Variants in SNAP25 observed in about 807,000 individuals in gnomAD.
SNAP25 encodes synaptosomal-associated protein 25.
In SNAP25, 3 loss-of-function variants were observed where a neutral mutation model predicts 28.7. That is an observed-to-expected ratio of 0.10 (90% CI 0.05 to 0.27). SNAP25 has a LOEUF of 0.27. Among genes scored for constraint, SNAP25 ranks in the 10% least tolerant of loss-of-function variants. The pLI, the probability that SNAP25 is intolerant of heterozygous loss-of-function variation, is 1.00. For synonymous variants in SNAP25, 61 were observed against 88.1 expected, an observed-to-expected ratio of 0.69 and a Z score of 1.72; for missense variants, 117 against 278.7, an observed-to-expected ratio of 0.42 and a Z score of 4.13.
chr20:10,268,629 C>T (rs140451113), intron 1 of SNAP25, among the ~76,000 whole-genome samples: 6 of 152,248 alleles, frequency 3.9e-5, no homozygotes, highest in African/African-American at 1.4e-4. Context: ...TATTTCAGTT[C>T]AGAGTCTTCA....
rs537930615 is a variant in SNAP25 at position 10,262,254 on chromosome 20, G to C, written c.-63-13175G>C. On this transcript the variant is annotated intron_variant, in intron 1 of 7. Transcript: ENST00000254976. ...AAAAACATTCTCAACTAGCATAGACGAGTCCCTTCCTCTCCACTATTTTGA... is the reference window on the plus strand; with the variant it reads ...AAAAACATTCTCAACTAGCATAGACCAGTCCCTTCCTCTCCACTATTTTGA... Among the ~76,000 whole-genome samples the C allele has an allele frequency of 3.9e-5, 6 of 152,252 alleles. No homozygotes were observed. The South Asian group carries it at 1.2e-3, about 32-fold the overall frequency.
intron 4 of SNAP25, among the ~76,000 whole-genome samples, chr20:10,291,079 A>G (rs745455577): frequency 5.3e-5 from 8 of 152,002 alleles, no homozygotes; most frequent in Non-Finnish European, 1.0e-4. Flanking sequence ...TTTAATTGTA[A>G]TTTTTATTTT....
At chr20:10,301,529 T>C (rs910684456) in intron 7 of SNAP25, among the ~76,000 whole-genome samples, 1 of 152,284 alleles carries the variant, frequency 6.6e-6, no homozygotes, top group East Asian at 1.9e-4. Flanking sequence ...CACCTTCTCA[T>C]TGAAGTTCTC....
At chr20:10,298,559 C>T (rs1382039397) in intron 6 of SNAP25, among the ~76,000 whole-genome samples, 1 of 152,194 alleles carries the variant, frequency 6.6e-6, no homozygotes, top group Non-Finnish European at 1.5e-5. Flanking sequence ...TTCCACTCAA[C>T]CTGAAACAAT....
In SNAP25 at chr20:10,275,514, G is replaced by T. The variant is rs374115269; in HGVS notation, c.23G>T (p.Arg8Leu). The change falls in exon 2 of 8, where the codon CGC becomes CTC. Residue 8 changes from arginine to leucine, a missense_variant. Arg to Leu is a moderately radical substitution (Grantham distance 102). Transcript: ENST00000254976. The stretch of plus-strand genomic sequence containing the variant: ...ACCATGGCCGAAGACGCAGACATGC[G>T]CAATGAGCTGGAGGAGATGCAGCGA... MAEDADMRNELEEMQRRA... is the reference protein window; with the variant it reads MAEDADMLNELEEMQRRA... 3 of 1,606,102 alleles carry T rather than the reference G, an allele frequency of 1.9e-6. No individual in the cohort carries two copies. Among genetic ancestry groups the T allele is most frequent in the South Asian group, 2.2e-5 (2 of 89,088 alleles).
intron 1 of SNAP25, among the ~76,000 whole-genome samples, chr20:10,254,005 C>T (rs375044286): frequency 1.3e-5 from 2 of 152,182 alleles, no homozygotes; most frequent in Non-Finnish European, 2.9e-5. Flanking sequence ...TTGGGGAAGA[C>T]GGCTGCTTCC....
chr20:10,301,169 C>T (rs1193026539), intron 7 of SNAP25, among the ~76,000 whole-genome samples: 2 of 152,132 alleles, frequency 1.3e-5, no homozygotes, highest in African/African-American at 4.8e-5. Flanking sequence ...CAAGTGGCAT[C>T]TTGATTCTGC....
At chr20:10,243,759 A>G (rs1472482927) in intron 1 of SNAP25, among the ~76,000 whole-genome samples, 1 of 152,354 alleles carries the variant, frequency 6.6e-6, no homozygotes, top group South Asian at 2.1e-4. Flanking sequence ...GGTGAAGGTC[A>G]TATTTGCCAG....
At chr20:10,264,126 C>T (rs1467280549) in intron 1 of SNAP25, among the ~76,000 whole-genome samples, 2 of 152,006 alleles carry the variant, frequency 1.3e-5, no homozygotes, top group South Asian at 2.1e-4. Context: ...TAAGAAATGC[C>T]AATGCTGGCT....
intron 1 of SNAP25, among the ~76,000 whole-genome samples, chr20:10,227,581 G>T (rs546922421): frequency 6.6e-6 from 1 of 152,192 alleles, no homozygotes; most frequent in East Asian, 1.9e-4. Context: ...CTAACTAGCT[G>T]CCAAACTATG....
intron 4 of SNAP25, among the ~76,000 whole-genome samples, chr20:10,286,841 G>A (rs920327404): frequency 2.0e-5 from 3 of 152,124 alleles, no homozygotes; most frequent in Non-Finnish European, 4.4e-5. Context: ...GTCTACTAGA[G>A]TTCCATGTTG....
At chr20:10,260,601 C>G (rs1472358185) in intron 1 of SNAP25, among the ~76,000 whole-genome samples, 1 of 151,998 alleles carries the variant, frequency 6.6e-6, no homozygotes, top group Non-Finnish European at 1.5e-5. Flanking sequence ...AAGTGCTACC[C>G]ATGAGAATCG....
chr20:10,296,873 G>C (rs1198967654), intron 5 of SNAP25, 52 bp from the exon 6 acceptor site: 10 of 1,609,662 alleles, frequency 6.2e-6, no homozygotes, highest in African/African-American at 1.3e-5. Flanking sequence ...CAATTGTTGA[G>C]AGCTTGCTCC....
chr20:10,281,564 G>T (rs1265806107), intron 3 of SNAP25, among the ~76,000 whole-genome samples: 2 of 152,198 alleles, frequency 1.3e-5, no homozygotes, highest in Non-Finnish European at 2.9e-5. Context: ...AGAGGAACTT[G>T]AGGTACACAG....
intron 1 of SNAP25, among the ~76,000 whole-genome samples, chr20:10,252,758 C>CT (rs56654069): frequency 0.056 from 7,496 of 133,856 alleles, 356 homozygotes; most frequent in African/African-American, 0.13. Context: ...ATTTTCTCAT[C>CT]TTTTTTTTTT....
At chr20:10,255,899 G>T (rs527835418) in intron 1 of SNAP25, among the ~76,000 whole-genome samples, 1 of 151,276 alleles carries the variant, frequency 6.6e-6, no homozygotes, top group African/African-American at 2.4e-5. Context: ...TACAAAAATC[G>T]ATTCCATTAC....
At chr20:10,233,798 T>G (rs988804319) in intron 1 of SNAP25, among the ~76,000 whole-genome samples, 1 of 152,220 alleles carries the variant, frequency 6.6e-6, no homozygotes, top group Non-Finnish European at 1.5e-5. Flanking sequence ...CTGGTTTTCC[T>G]TCCTTTTTAT....
chr20:10,299,543 C>A, intron 7 of SNAP25, 131 bp downstream of exon 7: 1 of 923,636 alleles, frequency 1.1e-6, no homozygotes, highest in South Asian at 1.9e-5. Context: ...TGGAAATGTT[C>A]TTCATTTTCC....
At chr20:10,220,402 G>C (rs1350301015) in intron 1 of SNAP25, among the ~76,000 whole-genome samples, 1 of 152,206 alleles carries the variant, frequency 6.6e-6, no homozygotes, top group South Asian at 2.1e-4. Context: ...GATAGCTTTA[G>C]ATTTTGACAA....
Sources: gnomAD v4.1 joint callset for allele counts (sites outside exome capture counted in the v4.1 genomes callset) on GRCh38, gnomAD v4.1.1 for gene constraint, MANE v1.5 for transcripts, NCBI Gene and HGNC (gene_info 2026-07-23, HGNC 2026-07-21) for gene names.